ASPH: variants seen among roughly 807,000 people sequenced by gnomAD.
The protein encoded by ASPH is aspartate beta-hydroxylase.
A neutral mutation model predicts 118.4 loss-of-function variants in ASPH; 100 were observed. The observed-to-expected ratio is 0.84, with a 90% CI of 0.72 to 1.00. The LOEUF is 1.00. ASPH is among the 50% of genes least tolerant of loss of function. The pLI is 0.00. For missense variants in ASPH, 920 were observed against 919.5 expected (o/e 1.00, Z -0.01); for synonymous variants, 315 against 325.6 (o/e 0.97, Z 0.35).
At chr8:61,559,870 G>A (rs1829178183) in intron 18 of ASPH, among the ~76,000 whole-genome samples, 2 of 152,114 alleles carry the variant, frequency 1.3e-5, no homozygotes, top group Non-Finnish European at 1.5e-5. Context: ...CACTGCTGCA[G>A]GAAATGAGAA....
intron 3 of ASPH, among the ~76,000 whole-genome samples, chr8:61,674,636 A>C (rs1824351348): frequency 1.3e-5 from 2 of 152,216 alleles, no homozygotes; most frequent in South Asian, 4.1e-4. Context: ...TGGTGGGCAG[A>C]GGGAATGGAT....
chr8:61,559,553 A>G (rs1829054186), intron 18 of ASPH, among the ~76,000 whole-genome samples: 1 of 152,044 alleles, frequency 6.6e-6, no homozygotes, highest in African/African-American at 2.4e-5. Flanking sequence ...CCCAGTACAA[A>G]CTCTTTGCGT....
intron 19 of ASPH, among the ~76,000 whole-genome samples, chr8:61,553,720 C>A (rs1404946228): frequency 6.6e-6 from 1 of 152,050 alleles, no homozygotes; most frequent in African/African-American, 2.4e-5. Context: ...TGATTTCTCA[C>A]ACAAGGACTG....
intron 19 of ASPH, among the ~76,000 whole-genome samples, chr8:61,555,483 A>G (rs1380671296): frequency 1.3e-5 from 2 of 151,972 alleles, no homozygotes; most frequent in African/African-American, 4.8e-5. Context: ...TAGTAGAGAC[A>G]GGGATTCACC....
chr8:61,669,377 T>A (rs1821277760), intron 3 of ASPH, among the ~76,000 whole-genome samples: 1 of 152,200 alleles, frequency 6.6e-6, no homozygotes, highest in Non-Finnish European at 1.5e-5. Flanking sequence ...GTTATTAGTA[T>A]CTCTTACCAC....
chr8:61,539,231 A>G lies in ASPH; in HGVS notation c.1764+8840T>C, dbSNP rs368254020. 9.5e-4 allele frequency among the ~76,000 whole-genome samples: 144 copies of G among 152,124 alleles called. 1 individual carries two copies. In the Middle Eastern group the frequency reaches 0.027, roughly 29 times the overall value. ...ACCCCAGACTGGGCGACAGAGTGAG[A>G]CTCCATCTCAAAATATATATATATT... On this transcript the variant is annotated intron_variant, in intron 21 of 24. Transcript: ENST00000379454.
chr8:61,508,633 CTG>C (rs936713343), intron 24 of ASPH, among the ~76,000 whole-genome samples: 2 of 152,160 alleles, frequency 1.3e-5, no homozygotes, highest in African/African-American at 4.8e-5. Context: ...AAGGACATGA[CTG>C]TGATTTTCAC....
chr8:61,706,343 A>G (rs1225857732), intron 1 of ASPH, among the ~76,000 whole-genome samples: 1 of 140,950 alleles, frequency 7.1e-6, no homozygotes, highest in African/African-American at 2.6e-5. Context: ...GGATCACCGG[A>G]GCCTGGGAAG....
Position 61,646,859 on chromosome 8 carries a change from T to C in ASPH, c.510A>G (p.Gln170=). ...HAEHVEGEDL[Q]QEDGPTGEPQ... is the part of the protein sequence containing the mutation. Reference sequence around the variant, plus strand: ...GTTCTCCTGTGGGTCCATCTTCTTGTTGCAAGTCTTCTCCCTCAACTATGA... The same window carrying C: ...GTTCTCCTGTGGGTCCATCTTCTTGCTGCAAGTCTTCTCCCTCAACTATGA... The change falls in exon 6 of 25, where the codon CAA becomes CAG. Residue 170 remains glutamine (Q), a synonymous_variant. Transcript: ENST00000379454. 2.5e-6 allele frequency: 4 copies of C among 1,613,908 alleles called. No individual in the cohort carries two copies. Among genetic ancestry groups the C allele is most frequent in the South Asian group, 1.1e-5 (1 of 91,056 alleles).
intron 3 of ASPH, among the ~76,000 whole-genome samples, chr8:61,679,753 G>A (rs1215550711): frequency 6.6e-6 from 1 of 151,602 alleles, no homozygotes; most frequent in Non-Finnish European, 1.5e-5. Context: ...ATTCTGATAA[G>A]TTCTACATAA....
rs753194439 is a variant in ASPH, at chr8:61,562,787, A to G, written c.1394T>C (p.Leu465Pro). 1 of 1,612,316 alleles carries G rather than the reference A, an allele frequency of 6.2e-7. No individual in the cohort carries two copies. Among genetic ancestry groups the G allele is most frequent in the Non-Finnish European group, 8.5e-7 (1 of 1,179,344 alleles). ...SLKNDLGVGY[L>P]LIGDNDNAKK... Reference sequence around the variant, plus strand: ...TGCATTGTCATTATCTCCTATCAAGAGGTATCCCACGCCAAGGTCATTTTT... The same window carrying G: ...TGCATTGTCATTATCTCCTATCAAGGGGTATCCCACGCCAAGGTCATTTTT... Residue 465 changes from leucine (L) to proline (P), a missense_variant, in exon 18 of 25, where the codon CTC becomes CCC. Transcript: ENST00000379454.
At position 61,617,947 on chromosome 8, in the gene ASPH, A is replaced by G. The variant is rs866649164; in HGVS notation, c.976+1031T>C. Reference sequence around the variant, plus strand: ...GACGCCATCTCAAAAAAAAAAAAAAAAAAGAAAGAAAGAAAGAAAGAAACA... The same window carrying G: ...GACGCCATCTCAAAAAAAAAAAAAAGAAAGAAAGAAAGAAAGAAAGAAACA... On this transcript the variant is annotated intron_variant, in intron 14 of 24. Coordinates refer to ENST00000379454, the MANE Select transcript of ASPH (RefSeq NM_004318.4). 4.3e-3 allele frequency among the ~76,000 whole-genome samples: 646 copies of G among 150,742 alleles called. 6 individuals are homozygous for G. The highest frequency in any genetic ancestry group is 0.014 in the African/African-American group (589 of 40,892).
chr8:61,504,048 A>G lies in ASPH; in HGVS notation c.2127-539T>C, dbSNP rs73259386. Reference sequence around the variant, plus strand: ...GGCAGATTGGGAATAAATTTTGTTTATATTTTTAGTATCATCTTCTATGCA... The same window carrying G: ...GGCAGATTGGGAATAAATTTTGTTTGTATTTTTAGTATCATCTTCTATGCA... On this transcript the variant is annotated intron_variant, in intron 24 of 24. Transcript: ENST00000379454. 9.5e-3 allele frequency among the ~76,000 whole-genome samples: 1,450 copies of G among 152,316 alleles called. 11 individuals carry two copies. The highest frequency in any genetic ancestry group is 0.033 in the African/African-American group (1,383 of 41,582).
Position 61,517,531 on chromosome 8 carries a change from G to C in ASPH, c.2123C>G (p.Thr708Ser). Reference protein sequence around the residue: ...EGCKIRCANETKTWEEGKVLI... With the variant: ...EGCKIRCANESKTWEEGKVLI... ...ACGGATAACAGAGGACCCATACTTG[G>C]TCTCGTTGGCACATCGAATCTTGCA... Residue 708 changes from threonine to serine, a missense_variant, in exon 24 of 25, where the codon ACC (threonine) becomes AGC (serine). Thr to Ser is a moderately conservative substitution (Grantham distance 58, BLOSUM62 1). Transcript: ENST00000379454. The C allele has an allele frequency of 6.2e-7, 1 of 1,613,958 alleles. No individual in the cohort carries two copies. The highest frequency in any genetic ancestry group is 2.2e-5 in the East Asian group (1 of 44,862).
chr8:61,641,592 T>C (rs1451965781), intron 10 of ASPH, among the ~76,000 whole-genome samples: 1 of 152,176 alleles, frequency 6.6e-6, no homozygotes, highest in Non-Finnish European at 1.5e-5. Flanking sequence ...TCCCATGGTG[T>C]CATTCATATC....
chr8:61,624,847 A>T, intron 13 of ASPH: 1 of 985,646 alleles, frequency 1.0e-6, no homozygotes, highest in Non-Finnish European at 1.2e-6. Context: ...GAGTTTTATT[A>T]TAATTTGAGT....
intron 24 of ASPH, among the ~76,000 whole-genome samples, chr8:61,512,233 T>C (rs762862772): frequency 6.6e-6 from 1 of 152,066 alleles, no homozygotes; most frequent in Non-Finnish European, 1.5e-5. Context: ...GATAGATCCA[T>C]CTGGAACCTG....
chr8:61,508,454 T>C (rs1807493631), intron 24 of ASPH, among the ~76,000 whole-genome samples: 2 of 152,232 alleles, frequency 1.3e-5, no homozygotes, highest in Admixed American at 1.3e-4. Flanking sequence ...TAAATAATGA[T>C]AATGATAAAA....
At chr8:61,538,095 A>G (rs1163133539) in intron 21 of ASPH, among the ~76,000 whole-genome samples, 1 of 152,226 alleles carries the variant, frequency 6.6e-6, no homozygotes, top group East Asian at 1.9e-4. Flanking sequence ...TCACGGGAGA[A>G]GAGGAGCTGA....
Sources: gnomAD v4.1 joint callset for allele counts (sites outside exome capture counted in the v4.1 genomes callset) on GRCh38, gnomAD v4.1.1 for gene constraint, MANE v1.5 for transcripts, NCBI Gene and HGNC (gene_info 2026-07-23, HGNC 2026-07-21) for gene names.